RANBP2: variants seen among roughly 807,000 people sequenced by gnomAD.
RANBP2 encodes the protein E3 SUMO-protein ligase RanBP2.
RANBP2 carries 57 observed loss-of-function variants against 303.6 expected under a neutral mutation model. The observed-to-expected ratio is 0.19, with a 90% CI of 0.15 to 0.23. The LOEUF (loss-of-function observed/expected upper bound fraction) is 0.23. Among genes scored for constraint, RANBP2 ranks in the 10% least tolerant of loss-of-function variants. The pLI is 1.00. For synonymous variants in RANBP2, 1,167 were observed against 1,301.5 expected, an observed-to-expected ratio of 0.90 and a Z score of 2.23; for missense variants, 3,138 against 3,780.8, an observed-to-expected ratio of 0.83 and a Z score of 4.46.
chr2:109,578,606 A>T, the RANBP2 span, among the ~76,000 whole-genome samples: 2 of 152,082 alleles, frequency 1.3e-5, no homozygotes, highest in Admixed American at 6.5e-5. Flanking sequence ...ATCTCTACTA[A>T]AAATACAAAA....
the RANBP2 span, among the ~76,000 whole-genome samples, chr2:109,019,958 G>A: frequency 6.6e-6 from 1 of 152,174 alleles, no homozygotes; most frequent in Non-Finnish European, 1.5e-5. Flanking sequence ...AGAGCTCTCC[G>A]TGAGCAGAGT....
At chr2:108,975,207 G>A in the RANBP2 span, among the ~76,000 whole-genome samples, 1 of 152,234 alleles carries the variant, frequency 6.6e-6, no homozygotes, top group Non-Finnish European at 1.5e-5. Flanking sequence ...GTGGGAAGGG[G>A]CAAAGGAGAG....
the RANBP2 span, among the ~76,000 whole-genome samples, chr2:109,378,298 C>T: frequency 6.6e-6 from 1 of 152,202 alleles, no homozygotes; most frequent in Non-Finnish European, 1.5e-5. Flanking sequence ...AAGACCCCCT[C>T]AGCTTCTCTA....
intron 25 of RANBP2, among the ~76,000 whole-genome samples, chr2:108,780,359 ATTTTTTT>A (rs869269194): frequency 1.8e-5 from 2 of 111,740 alleles, no homozygotes; most frequent in African/African-American, 3.6e-5. Flanking sequence ...CGCCCGGCTA[ATTTTTTT>A]TTTTTTTTTT....
chr2:109,448,733 C>T, the RANBP2 span, among the ~76,000 whole-genome samples: 1 of 152,128 alleles, frequency 6.6e-6, no homozygotes, highest in Non-Finnish European at 1.5e-5. Context: ...AAATAAAGTA[C>T]ATAACAAATG....
the RANBP2 span, among the ~76,000 whole-genome samples, chr2:109,140,336 A>G: frequency 6.6e-6 from 1 of 151,610 alleles, no homozygotes; most frequent in Non-Finnish European, 1.5e-5. Context: ...TAATGCCTTT[A>G]CATACTGATG....
chr2:109,229,570 G>A, the RANBP2 span, among the ~76,000 whole-genome samples: 1 of 152,056 alleles, frequency 6.6e-6, no homozygotes, highest in Non-Finnish European at 1.5e-5. Context: ...TGAATTGGTG[G>A]GTTTGCATTA....
chr2:108,870,004 A>G, the RANBP2 span, among the ~76,000 whole-genome samples: 1 of 152,238 alleles, frequency 6.6e-6, no homozygotes, highest in Non-Finnish European at 1.5e-5. Context: ...CTTTAAAACA[A>G]CTATCTTAAA....
At chr2:108,781,503 C>T in intron 26 of RANBP2, 74 bp downstream of exon 26, 1 of 1,418,010 alleles carries the variant, frequency 7.1e-7, no homozygotes, top group Admixed American at 1.8e-5. Context: ...CTTGATCTGT[C>T]AGGGTATAAT....
At chr2:109,692,340 C>T in the RANBP2 span, among the ~76,000 whole-genome samples, 17 of 152,116 alleles carry the variant, frequency 1.1e-4, no homozygotes, top group East Asian at 1.5e-3. Flanking sequence ...TGGCACATCT[C>T]CTTGGGGTAA....
chr2:109,135,872 A>G, the RANBP2 span, among the ~76,000 whole-genome samples: 1 of 152,210 alleles, frequency 6.6e-6, no homozygotes, highest in African/African-American at 2.4e-5. Flanking sequence ...ACTTCATTAA[A>G]AGGGAAAAAA....
the RANBP2 span, among the ~76,000 whole-genome samples, chr2:109,600,751 C>T: frequency 2.0e-5 from 3 of 152,276 alleles, no homozygotes; most frequent in Middle Eastern, 3.4e-3. Context: ...CAAGACTCTG[C>T]CCCATTCCCA....
At chr2:109,189,369 T>G in the RANBP2 span, among the ~76,000 whole-genome samples, 14 of 138,622 alleles carry the variant, frequency 1.0e-4, no homozygotes, top group African/African-American at 3.0e-4. Flanking sequence ...TCGTTTGACT[T>G]TTTTTTTTTT....
the RANBP2 span, among the ~76,000 whole-genome samples, chr2:109,150,758 T>G: frequency 6.6e-6 from 1 of 152,176 alleles, no homozygotes; most frequent in Non-Finnish European, 1.5e-5. Flanking sequence ...GTTAGAATTC[T>G]GTTCTGATCT....
chr2:109,078,123 GTA>G, the RANBP2 span, among the ~76,000 whole-genome samples: 29 of 45,430 alleles, frequency 6.4e-4, no homozygotes, highest in African/African-American at 1.8e-3. Flanking sequence ...TATATAGCGT[GTA>G]TATATATATA....
chr2:108,931,854 A>G, the RANBP2 span, among the ~76,000 whole-genome samples: 1 of 152,020 alleles, frequency 6.6e-6, no homozygotes, highest in Non-Finnish European at 1.5e-5. Flanking sequence ...TGCTCTAGTG[A>G]TCGCCTAAAT....
the RANBP2 span, among the ~76,000 whole-genome samples, chr2:109,520,033 C>T: frequency 0.028 from 4,260 of 152,254 alleles, 216 homozygotes; most frequent in African/African-American, 0.096. Flanking sequence ...CCGGTGTGCA[C>T]GCACACACAT....
chr2:109,323,114 C>A, the RANBP2 span, among the ~76,000 whole-genome samples: 7,504 of 152,286 alleles, frequency 0.049, 212 homozygotes, highest in African/African-American at 0.08. Flanking sequence ...TGTGCCCGGG[C>A]TCCCAGCATA....
chr2:108,773,676 T>C (rs1028163391), intron 23 of RANBP2, among the ~76,000 whole-genome samples: 34 of 151,740 alleles, frequency 2.2e-4, no homozygotes, highest in African/African-American at 8.0e-4. Flanking sequence ...GGGATGGAGT[T>C]TCGCTCTGTC....
Sources: allele counts gnomAD v4.1 joint callset (sites outside exome capture counted in the v4.1 genomes callset), GRCh38; gene constraint gnomAD v4.1.1; transcripts MANE v1.5; gene names NCBI Gene and HGNC (gene_info 2026-07-23, HGNC 2026-07-21).